MX2: variants seen among roughly 807,000 people sequenced by gnomAD.
MX2 encodes the protein MX dynamin like GTPase 2.
A neutral mutation model predicts 74.0 loss-of-function variants in MX2; 51 were observed. The ratio of observed to expected loss-of-function variants is 0.69; its 90% confidence interval spans 0.55 to 0.87. MX2 has a LOEUF of 0.87. Among genes scored for constraint, MX2 ranks in the 40% least tolerant of loss-of-function variants. MX2 has a pLI of 0.00. For missense variants in MX2, 832 were observed against 908.7 expected, an observed-to-expected ratio of 0.92 and a Z score of 1.09; for synonymous variants, 369 against 339.3, an observed-to-expected ratio of 1.09 and a Z score of -0.96.
At position 41,406,891 on chromosome 21, in the gene MX2, C is replaced by G; in HGVS notation, c.1798C>G (p.Leu600Val). ...KKVREEIFNP[L>V]GTPSQNMKLN... ...AGTCCGAGAAGAGATTTTTAACCCT[C>G]TGGGGACGCCTTCACAGAATATGAA... is the stretch of plus-strand genomic sequence containing the variant. Residue 600 changes from leucine to valine, a missense_variant, in exon 13 of 14, where the codon CTG becomes GTG. Transcript: ENST00000330714. 1 of 1,614,244 alleles carries G rather than the reference C, an allele frequency of 6.2e-7. No homozygotes were observed. The highest frequency in any genetic ancestry group is 8.5e-7 in the Non-Finnish European group (1 of 1,180,040).
At chr21:41,378,100 C>T (rs768149988) in intron 3 of MX2, 119 bp downstream of exon 3, 71 of 1,287,654 alleles carry the variant, frequency 5.5e-5, no homozygotes, top group South Asian at 5.8e-5. Flanking sequence ...CTGGGAAAGA[C>T]AGGACGCTGG....
rs1375603336 is a variant in MX2 at position 41,380,422 on chromosome 21, C to A, written c.577+271C>A. On this transcript the variant is annotated intron_variant, in intron 4 of 13. Coordinates refer to ENST00000330714, the MANE Select transcript of MX2 (RefSeq NM_002463.2). The surrounding 1 kb of genome is among the most constrained non-coding windows in gnomAD (Gnocchi z 4.3). ...ACGTGGCTGGCCTTACCTGTCCTCT[C>A]CCGCTCCCCGCCAGCCCAGGCTTTC... 6.6e-6 allele frequency among the ~76,000 whole-genome samples: 1 copy of A among 152,136 alleles called. No homozygotes were observed. Among genetic ancestry groups the A allele is most frequent in the Non-Finnish European group, 1.5e-5 (1 of 68,018 alleles).
rs145765853 is a variant in MX2 at position 41,390,502 on chromosome 21, C to T, written c.733-63C>T. 1.7e-4 allele frequency: 272 copies of T among 1,603,582 alleles called. 3 individuals carry two copies. In the East Asian group the frequency reaches 4.3e-3, roughly 25 times the overall value. ...GCGCCATCATGCCTGCCTGCCTGGCCGTGCTGCTGAGTGACCAGAAGTGAG... is the reference window on the plus strand; with the variant it reads ...GCGCCATCATGCCTGCCTGCCTGGCTGTGCTGCTGAGTGACCAGAAGTGAG... On this transcript the variant is annotated intron_variant, in intron 5 of 13. Coordinates refer to ENST00000330714, the MANE Select transcript of MX2 (RefSeq NM_002463.2).
At chr21:41,390,430 T>G in intron 5 of MX2, 135 bp from the exon 6 acceptor site, 1 of 1,312,120 alleles carries the variant, frequency 7.6e-7, no homozygotes, top group Non-Finnish European at 1.1e-6. Context: ...AGGACGGGGC[T>G]CGGCCTAGCA....
At chr21:41,398,264 G>T (rs1041859267) in intron 8 of MX2, among the ~76,000 whole-genome samples, 1 of 152,196 alleles carries the variant, frequency 6.6e-6, no homozygotes, top group Non-Finnish European at 1.5e-5. Context: ...AGCCAAGATC[G>T]TGCCATTGCA....
rs184055804 is a variant in MX2, at chr21:41,369,117, A to G, written c.-72+7062A>G. Among the ~76,000 whole-genome samples, 453 of 152,354 alleles carry G rather than the reference A, an allele frequency of 3.0e-3. 3 individuals carry two copies. Among genetic ancestry groups the G allele is most frequent in the Non-Finnish European group, 5.1e-3 (347 of 68,026 alleles). On this transcript the variant is annotated intron_variant, in intron 1 of 13. Coordinates refer to ENST00000330714, the MANE Select transcript of MX2 (RefSeq NM_002463.2). ...TAGCCCTTCTGGTTTCAAGGATTTCACATCAGAAAACGTTTTACGAACCCA... is the reference window on the plus strand; with the variant it reads ...TAGCCCTTCTGGTTTCAAGGATTTCGCATCAGAAAACGTTTTACGAACCCA...
chr21:41,395,811 A>G, intron 7 of MX2, 26 bp downstream of exon 7: 1 of 1,611,264 alleles, frequency 6.2e-7, no homozygotes, highest in African/African-American at 1.3e-5. Flanking sequence ...AAAGCTCTGG[A>G]ATTAGACTCC....
chr21:41,379,103 A>T (rs777353960), intron 3 of MX2, among the ~76,000 whole-genome samples: 2 of 152,076 alleles, frequency 1.3e-5, no homozygotes, highest in Non-Finnish European at 2.9e-5. Context: ...CTGGTCCTTT[A>T]CCCAGCGTGT....
intron 5 of MX2, among the ~76,000 whole-genome samples, chr21:41,387,986 C>G (rs1319328607): frequency 6.6e-6 from 1 of 152,170 alleles, no homozygotes; most frequent in Non-Finnish European, 1.5e-5. Flanking sequence ...CCTGCTGGCT[C>G]TGCTTCAAAT....
At chr21:41,407,625 T>A (rs1036416740) in intron 13 of MX2, among the ~76,000 whole-genome samples, 5 of 152,196 alleles carry the variant, frequency 3.3e-5, no homozygotes, top group African/African-American at 1.2e-4. Context: ...GCTATGCCTA[T>A]GAAGAAGGAA....
At chr21:41,386,202 A>G (rs1406282733) in intron 5 of MX2, among the ~76,000 whole-genome samples, 1 of 138,590 alleles carries the variant, frequency 7.2e-6, no homozygotes, top group African/African-American at 2.7e-5. Context: ...CCTGGGCAAC[A>G]GAGTAATACT....
intron 6 of MX2, among the ~76,000 whole-genome samples, chr21:41,393,856 A>G (rs560438238): frequency 6.6e-6 from 1 of 151,924 alleles, no homozygotes; most frequent in South Asian, 2.1e-4. Context: ...CCTCCTCTCC[A>G]AGGCTTCCCC....
In MX2 at chr21:41,362,289, C is replaced by A. The variant is rs976925641; in HGVS notation, c.-72+234C>A. ...GAGGCTCTGGAGGGGAAGTGGCTGG[C>A]CCTGGGGACAGGGTGGCCTCCATCC... On this transcript the variant is annotated intron_variant, in intron 1 of 13. Coordinates refer to ENST00000330714, the MANE Select transcript of MX2 (RefSeq NM_002463.2). Among the ~76,000 whole-genome samples, 7 of 151,986 alleles carry A rather than the reference C, an allele frequency of 4.6e-5. No individual in the cohort carries two copies. The East Asian group carries it at 5.8e-4, about 13-fold the overall frequency.
In MX2 at chr21:41,407,009, G is replaced by T; in HGVS notation, c.1905+11G>T. ...AATGCCTACTTCTTGGTGAGTTCCC[G>T]GCGGGGCAGGAGCCGTGCTCTCTGA... On this transcript the variant is annotated intron_variant, in intron 13 of 13. Transcript: ENST00000330714. 6.2e-7 allele frequency: 1 copy of T among 1,608,586 alleles called. No individual in the cohort carries two copies. The highest frequency in any genetic ancestry group is 1.1e-5 in the South Asian group (1 of 90,962).
intron 1 of MX2, among the ~76,000 whole-genome samples, chr21:41,374,561 A>G (rs943402842): frequency 2.0e-5 from 3 of 152,244 alleles, no homozygotes; most frequent in African/African-American, 7.2e-5. Flanking sequence ...AAGCATGTCC[A>G]TCTGAGAGGT....
chr21:41,407,021 G>C lies in MX2; in HGVS notation c.1905+23G>C, dbSNP rs753458182. 2.5e-6 allele frequency: 4 copies of C among 1,602,588 alleles called. No homozygotes were observed. In the African/African-American group the frequency reaches 5.4e-5, roughly 22 times the overall value. On this transcript the variant is annotated intron_variant, in intron 13 of 13. Transcript: ENST00000330714. ...TTGGTGAGTTCCCGGCGGGGCAGGA[G>C]CCGTGCTCTCTGAAATTTGCAGAGC...
intron 12 of MX2, among the ~76,000 whole-genome samples, chr21:41,405,687 C>G (rs921771076): frequency 3.3e-5 from 5 of 151,242 alleles, no homozygotes; most frequent in Non-Finnish European, 7.4e-5. Context: ...TCTGCTACAT[C>G]ACCTCTTTCT....
chr21:41,401,874 G>A (rs568497214), intron 10 of MX2, 96 bp from the exon 11 acceptor site: 44 of 1,373,712 alleles, frequency 3.2e-5, no homozygotes, highest in Middle Eastern at 1.8e-4. Flanking sequence ...TTGCCTCTGC[G>A]TACAGTGGGG....
At position 41,409,216 on chromosome 21, in the gene MX2, A is replaced by C. The variant is rs1325980289; in HGVS notation, c.*983A>C. 1 of 147,904 alleles carries C rather than the reference A, an allele frequency of 6.8e-6. No individual in the cohort carries two copies. Among genetic ancestry groups the C allele is most frequent in the African/African-American group, 2.5e-5 (1 of 39,570 alleles). 9.2% of individuals were successfully genotyped at this position (147,904 alleles called of 1,614,324 possible). ...ACTACAGCCTGGGTGACAGAGTGAG[A>C]GTGAGACTCTGTCTCTGAATACACA... On this transcript the variant is annotated 3_prime_UTR_variant, in exon 14 of 14. Coordinates refer to ENST00000330714, the MANE Select transcript of MX2 (RefSeq NM_002463.2).
Sources: gnomAD v4.1 joint callset for allele counts (sites outside exome capture counted in the v4.1 genomes callset) on GRCh38, gnomAD v4.1.1 for gene constraint, Gnocchi (gnomAD v3.1) non-coding constraint, MANE v1.5 for transcripts, NCBI Gene and HGNC (gene_info 2026-07-23, HGNC 2026-07-21) for gene names.